CRADD: variants seen among roughly 807,000 people sequenced by gnomAD.
CRADD encodes the protein CARD and death domain containing adaptor protein, also known as death domain-containing protein CRADD.
A neutral mutation model predicts 15.5 loss-of-function variants in CRADD; 9 were observed. That is an observed-to-expected ratio of 0.58 (90% CI 0.35 to 1.01). CRADD has a LOEUF of 1.01. Among genes scored for constraint, CRADD ranks in the 50% least tolerant of loss-of-function variants. CRADD has a pLI of 0.02. For missense variants in CRADD, 227 were observed against 250.3 expected (o/e 0.91, Z 0.63); for synonymous variants, 118 against 107.6 (o/e 1.10, Z -0.60).
chr12:93,762,444 T>C (rs1483837608), intron 2 of CRADD, among the ~76,000 whole-genome samples: 6 of 151,948 alleles, frequency 3.9e-5, no homozygotes, highest in Non-Finnish European at 1.5e-5. Flanking sequence ...ATGAGGGCAG[T>C]AGACATTAAA....
intron 2 of CRADD, among the ~76,000 whole-genome samples, chr12:93,739,286 C>T (rs527576283): frequency 1.3e-4 from 19 of 151,868 alleles, no homozygotes; most frequent in Non-Finnish European, 2.1e-4. Flanking sequence ...CTGCACCCTG[C>T]TTATTTCCAA....
At chr12:93,891,272 T>A (rs1390274534) in intron 2 of CRADD, among the ~76,000 whole-genome samples, 1 of 151,860 alleles carries the variant, frequency 6.6e-6, no homozygotes, top group Non-Finnish European at 1.5e-5. Flanking sequence ...GCAGATTGCT[T>A]GAGGCCAGGA....
intron 2 of CRADD, among the ~76,000 whole-genome samples, chr12:93,732,120 G>A (rs911166697): frequency 1.3e-5 from 2 of 148,810 alleles, no homozygotes; most frequent in East Asian, 3.9e-4. Flanking sequence ...TGGGCGACAA[G>A]AGTGAAATTC....
chr12:93,744,898 C>T (rs1956728689), intron 2 of CRADD, among the ~76,000 whole-genome samples: 1 of 152,092 alleles, frequency 6.6e-6, no homozygotes, highest in Non-Finnish European at 1.5e-5. Context: ...GTTTCTAGTA[C>T]CACCACTATA....
At chr12:93,700,014 C>T (rs543663567) in intron 2 of CRADD, among the ~76,000 whole-genome samples, 3 of 152,210 alleles carry the variant, frequency 2.0e-5, no homozygotes, top group East Asian at 3.9e-4. Context: ...GGGAGTGCTT[C>T]GAAGGTGAAT....
chr12:93,749,488 T>G (rs1956806676), intron 2 of CRADD, among the ~76,000 whole-genome samples: 1 of 152,244 alleles, frequency 6.6e-6, no homozygotes, highest in South Asian at 2.1e-4. Context: ...CTAGTGGATG[T>G]CATGCTATAT....
At chr12:93,806,504 C>T (rs545316575) in intron 2 of CRADD, among the ~76,000 whole-genome samples, 11 of 148,456 alleles carry the variant, frequency 7.4e-5, no homozygotes, top group Non-Finnish European at 1.6e-4. Flanking sequence ...TGGACTGACA[C>T]GTGGTCAGTC....
rs149120196 is a variant in CRADD, at chr12:93,791,594, A to G, written c.299-58376A>G. On this transcript the variant is annotated intron_variant, in intron 2 of 2. Coordinates refer to ENST00000332896, the MANE Select transcript of CRADD (RefSeq NM_003805.5). ...TCTCAGAGAGGAGAAATAAGTTTTG[A>G]GATCTATTGTACAGCATGGCAACTG... Among the ~76,000 whole-genome samples, 222 of 152,244 alleles carry G rather than the reference A, an allele frequency of 1.5e-3. 3 individuals are homozygous for G. In the East Asian group the frequency reaches 0.028, roughly 19 times the overall value.
At chr12:93,728,709 C>T (rs1191005674) in intron 2 of CRADD, among the ~76,000 whole-genome samples, 1 of 152,006 alleles carries the variant, frequency 6.6e-6, no homozygotes, top group African/African-American at 2.4e-5. Flanking sequence ...GACAAAGGCA[C>T]TACAAGAAAA....
intron 2 of CRADD, among the ~76,000 whole-genome samples, chr12:93,710,942 A>C (rs1354671340): frequency 6.6e-6 from 1 of 151,710 alleles, no homozygotes; most frequent in Non-Finnish European, 1.5e-5. Flanking sequence ...TTTGGTTTTG[A>C]GCTATGAATT....
chr12:93,806,476 A>AAAG (rs1957540663), intron 2 of CRADD, among the ~76,000 whole-genome samples: 1 of 150,176 alleles, frequency 6.7e-6, no homozygotes, highest in African/African-American at 2.4e-5. Context: ...AAAAAAACAA[A>AAAG]AAAAAGAAAA....
chr12:93,868,345 CTAATT>C (rs1958388410), intron 2 of CRADD, among the ~76,000 whole-genome samples: 1 of 152,152 alleles, frequency 6.6e-6, no homozygotes, highest in Non-Finnish European at 1.5e-5. Flanking sequence ...TCAAAAGAAA[CTAATT>C]TAGTATCTCT....
chr12:93,727,868 C>T (rs1409601194), intron 2 of CRADD, among the ~76,000 whole-genome samples: 1 of 152,168 alleles, frequency 6.6e-6, no homozygotes, highest in African/African-American at 2.4e-5. Context: ...CTCCTCATCA[C>T]CACACCTGTT....
intron 2 of CRADD, among the ~76,000 whole-genome samples, chr12:93,720,421 C>T (rs943198094): frequency 6.6e-6 from 1 of 152,088 alleles, no homozygotes; most frequent in Non-Finnish European, 1.5e-5. Context: ...ATGGAATAGT[C>T]TATAGATGTC....
chr12:93,832,313 G>A (rs1957915012), intron 2 of CRADD, among the ~76,000 whole-genome samples: 1 of 152,112 alleles, frequency 6.6e-6, no homozygotes, highest in Non-Finnish European at 1.5e-5. Flanking sequence ...TGGTAAATTT[G>A]CGTGACATCC....
chr12:93,888,373 C>T (rs11107237), intron 2 of CRADD, among the ~76,000 whole-genome samples: 63,333 of 148,424 alleles, frequency 0.43, 14,877 homozygotes, highest in Non-Finnish European at 0.53. Context: ...TGCAGTGAGC[C>T]GAGATCGTGC....
At chr12:93,889,907 C>T (rs886953924) in intron 2 of CRADD, among the ~76,000 whole-genome samples, 1 of 152,150 alleles carries the variant, frequency 6.6e-6, no homozygotes, top group African/African-American at 2.4e-5. Flanking sequence ...TTCTAAAAGA[C>T]AACTTGAAGG....
At chr12:93,884,829 T>C (rs1958524958) in intron 2 of CRADD, among the ~76,000 whole-genome samples, 1 of 152,168 alleles carries the variant, frequency 6.6e-6, no homozygotes, top group Middle Eastern at 3.2e-3. Flanking sequence ...ATCTCCTTAG[T>C]CACTTGTATG....
At position 93,824,421 on chromosome 12, in the gene CRADD, T is replaced by TACACAC. The variant is rs35071454; in HGVS notation, c.299-25534_299-25529dup. 7.6e-4 allele frequency among the ~76,000 whole-genome samples: 115 copies of TACACAC among 150,472 alleles called. No individual in the cohort carries two copies. Among genetic ancestry groups the TACACAC allele is most frequent in the East Asian group, 7.6e-3 (39 of 5,110 alleles). ...ACACACACACACTCATACACACACA[T>TACACAC]ACACACACACACACACACACTACCA... On this transcript the variant is annotated intron_variant, in intron 2 of 2. Transcript: ENST00000332896. The surrounding 1 kb of genome is among the most constrained non-coding windows in gnomAD (Gnocchi z 4.3).
Sources: allele counts gnomAD v4.1 joint callset (sites outside exome capture counted in the v4.1 genomes callset), GRCh38; gene constraint gnomAD v4.1.1; non-coding constraint Gnocchi (gnomAD v3.1); transcripts MANE v1.5; gene names NCBI Gene and HGNC (gene_info 2026-07-23, HGNC 2026-07-21).